COMMD1: variants seen among roughly 807,000 people sequenced by gnomAD.
COMMD1 encodes the protein COMM domain-containing protein 1.
Under a neutral mutation model 17.2 loss-of-function variants are expected in COMMD1, and 10 were observed. That is an observed-to-expected ratio of 0.58 (90% CI 0.36 to 0.99). COMMD1 has a LOEUF of 0.99. Ranked by LOEUF, COMMD1 falls within the 50% of genes least tolerant of loss-of-function variation. The probability of loss-of-function intolerance (pLI) is 0.01; values close to 1 mark genes in which losing one functional copy is unlikely to be tolerated. For synonymous variants in COMMD1, 97 were observed against 91.6 expected, an observed-to-expected ratio of 1.06 and a Z score of -0.34; for missense variants, 270 against 231.8, an observed-to-expected ratio of 1.17 and a Z score of -1.07.
At chr2:62,010,594 G>A (rs565207049) in intron 2 of COMMD1, among the ~76,000 whole-genome samples, 48 of 152,148 alleles carry the variant, frequency 3.2e-4, no homozygotes, top group South Asian at 2.1e-3. Flanking sequence ...CCAAAACTAA[G>A]TTCCTCATAT....
At chr2:62,042,415 C>T (rs1448770787) in intron 2 of COMMD1, among the ~76,000 whole-genome samples, 1 of 152,234 alleles carries the variant, frequency 6.6e-6, no homozygotes, top group African/African-American at 2.4e-5. Context: ...CCGGCTTTAC[C>T]TCTCAATGGC....
At chr2:61,930,934 T>C (rs1670450343) in intron 1 of COMMD1, among the ~76,000 whole-genome samples, 1 of 152,178 alleles carries the variant, frequency 6.6e-6, no homozygotes, top group Non-Finnish European at 1.5e-5. Flanking sequence ...AGTGGCTCCA[T>C]AGCCAATTAT....
upstream of COMMD1, among the ~76,000 whole-genome samples, chr2:61,903,935 G>A (rs1669713093): frequency 1.3e-5 from 2 of 152,254 alleles, no homozygotes; most frequent in East Asian, 3.9e-4. Context: ...CGTTCATAAA[G>A]GTGAAAAACC....
chr2:62,027,134 C>G (rs1223375532), intron 2 of COMMD1, among the ~76,000 whole-genome samples: 1 of 151,948 alleles, frequency 6.6e-6, no homozygotes, highest in Non-Finnish European at 1.5e-5. Flanking sequence ...AGTGTAAATC[C>G]CAATCATTGA....
intron 2 of COMMD1, among the ~76,000 whole-genome samples, chr2:62,117,015 A>C (rs956673604): frequency 6.8e-6 from 1 of 147,502 alleles, no homozygotes; most frequent in Admixed American, 6.8e-5. Flanking sequence ...AAAAAAAAAA[A>C]TGACAAAGAT....
chr2:62,133,952 T>C (rs1673115029), intron 2 of COMMD1, among the ~76,000 whole-genome samples: 1 of 152,140 alleles, frequency 6.6e-6, no homozygotes, highest in Non-Finnish European at 1.5e-5. Flanking sequence ...CCACCATGTC[T>C]GGCTTTTTTA....
At chr2:61,899,713 C>T (rs550173799) in intron 1 of COMMD1, among the ~76,000 whole-genome samples, 9 of 152,226 alleles carry the variant, frequency 5.9e-5, no homozygotes, top group African/African-American at 1.4e-4. Flanking sequence ...CTTGCTCTGT[C>T]GCCCAGGCTG....
upstream of COMMD1, among the ~76,000 whole-genome samples, chr2:61,901,691 A>T (rs932898734): frequency 5.9e-5 from 9 of 152,164 alleles, no homozygotes; most frequent in African/African-American, 2.2e-4. Flanking sequence ...ACTTTTTATT[A>T]CAACAGTATT....
upstream of COMMD1, among the ~76,000 whole-genome samples, chr2:61,905,098 G>A (rs148411911): frequency 7.4e-3 from 1,133 of 152,268 alleles, 6 homozygotes; most frequent in South Asian, 0.019. Context: ...TTCATTTCAG[G>A]ATAGTAAATA....
chr2:61,988,468 G>A (rs564076272), intron 1 of COMMD1, among the ~76,000 whole-genome samples: 2 of 152,278 alleles, frequency 1.3e-5, no homozygotes, highest in South Asian at 4.1e-4. Context: ...AGGAGCTAGG[G>A]CCTGGAATGG....
intron 2 of COMMD1, among the ~76,000 whole-genome samples, chr2:62,122,178 T>G (rs1401396741): frequency 6.6e-6 from 1 of 152,266 alleles, no homozygotes; most frequent in Non-Finnish European, 1.5e-5. Flanking sequence ...TTATATAACT[T>G]GGCTACATTT....
rs535074423 is a variant in COMMD1 at position 62,109,303 on chromosome 2, C to G, written c.463-26528C>G. On this transcript the variant is annotated intron_variant, in intron 2 of 2. Coordinates refer to ENST00000311832, the MANE Select transcript of COMMD1 (RefSeq NM_152516.4). Reference sequence around the variant, plus strand: ...AAACCCTGATATCGTTTTTTGGGATCCATTTCCTCCAAAGCTCTTGGGGAC... The same window carrying G: ...AAACCCTGATATCGTTTTTTGGGATGCATTTCCTCCAAAGCTCTTGGGGAC... 9.2e-5 allele frequency among the ~76,000 whole-genome samples: 14 copies of G among 152,220 alleles called. No individual in the cohort carries two copies. The South Asian group carries it at 2.9e-3, about 32-fold the overall frequency.
chr2:61,916,753 C>T lies in COMMD1; in HGVS notation c.180+10895C>T, dbSNP rs569328322. Among the ~76,000 whole-genome samples, 5 of 152,086 alleles carry T rather than the reference C, an allele frequency of 3.3e-5. No individual in the cohort carries two copies. In the South Asian group the frequency reaches 8.3e-4, roughly 25 times the overall value. ...GTATTTAGCTTTTTAAAAATTTAAT[C>T]GTCTCAACTGTGATTTTAAAATGCA... On this transcript the variant is annotated intron_variant, in intron 1 of 2. Coordinates refer to ENST00000311832, the MANE Select transcript of COMMD1 (RefSeq NM_152516.4).
At chr2:62,033,265 A>G (rs1198283140) in intron 2 of COMMD1, among the ~76,000 whole-genome samples, 1 of 152,200 alleles carries the variant, frequency 6.6e-6, no homozygotes, top group Non-Finnish European at 1.5e-5. Flanking sequence ...AAAGGGTAAT[A>G]TCCTACTAGA....
At chr2:62,103,169 G>T (rs1430300165) in intron 2 of COMMD1, among the ~76,000 whole-genome samples, 1 of 151,938 alleles carries the variant, frequency 6.6e-6, no homozygotes, top group African/African-American at 2.4e-5. Context: ...TAGTAGAGAC[G>T]GAGTTTCACC....
intron 2 of COMMD1, among the ~76,000 whole-genome samples, chr2:62,078,502 G>C (rs1390255353): frequency 7.5e-6 from 1 of 133,912 alleles, no homozygotes; most frequent in Non-Finnish European, 1.6e-5. Flanking sequence ...GCAGTGAGCT[G>C]AAATCGCGCC....
At chr2:62,125,221 C>G (rs1261977558) in intron 2 of COMMD1, among the ~76,000 whole-genome samples, 2 of 152,192 alleles carry the variant, frequency 1.3e-5, no homozygotes, top group African/African-American at 2.4e-5. Context: ...GATTCTGTGA[C>G]TCTGAAAGCA....
intron 1 of COMMD1, among the ~76,000 whole-genome samples, chr2:61,924,297 A>G (rs965962356): frequency 1.3e-5 from 2 of 151,428 alleles, no homozygotes; most frequent in African/African-American, 4.9e-5. Flanking sequence ...GAAAAATAGG[A>G]GGAAGCAAGG....
At chr2:62,020,866 C>T (rs973326982) in intron 2 of COMMD1, among the ~76,000 whole-genome samples, 2 of 152,022 alleles carry the variant, frequency 1.3e-5, no homozygotes, top group African/African-American at 4.8e-5. Context: ...AGCCAGGCGT[C>T]ATGGCGCATG....
Sources: gnomAD v4.1 joint callset for allele counts (sites outside exome capture counted in the v4.1 genomes callset) on GRCh38, gnomAD v4.1.1 for gene constraint, MANE v1.5 for transcripts, NCBI Gene and HGNC (gene_info 2026-07-23, HGNC 2026-07-21) for gene names.